Variants in TJP1 observed in about 807,000 individuals in gnomAD.
TJP1 encodes the protein tight junction protein 1, also known as tight junction protein ZO-1.
TJP1 carries 43 observed loss-of-function variants against 194.2 expected under a neutral mutation model. The observed-to-expected ratio is 0.22, with a 90% CI of 0.17 to 0.29. The LOEUF is 0.29. Ranked by LOEUF, TJP1 falls within the 10% of genes least tolerant of loss-of-function variation. TJP1 has a pLI of 1.00. For synonymous variants in TJP1, 801 were observed against 779.0 expected, an observed-to-expected ratio of 1.03 and a Z score of -0.47; for missense variants, 1,971 against 2,185.7, an observed-to-expected ratio of 0.90 and a Z score of 1.96.
At chr15:29,910,963 A>G (rs1420707552) in intron 2 of TJP1, among the ~76,000 whole-genome samples, 1 of 152,234 alleles carries the variant, frequency 6.6e-6, no homozygotes, top group African/African-American at 2.4e-5. Context: ...TGCCCCTCTA[A>G]CACTCACTAG....
chr15:29,906,361 T>C (rs1377551018), intron 2 of TJP1, among the ~76,000 whole-genome samples: 1 of 151,506 alleles, frequency 6.6e-6, no homozygotes, highest in Non-Finnish European at 1.5e-5. Flanking sequence ...TAATCCCAGC[T>C]ACTCAGGAGG....
intron 2 of TJP1, among the ~76,000 whole-genome samples, chr15:29,909,494 AAAG>A (rs1022464156): frequency 1.3e-5 from 2 of 152,102 alleles, no homozygotes; most frequent in African/African-American, 4.8e-5. Context: ...AAGTTGGCTC[AAAG>A]AAGGAGTTGA....
intron 2 of TJP1, among the ~76,000 whole-genome samples, chr15:29,882,668 C>G (rs148305987): frequency 6.6e-6 from 1 of 152,190 alleles, no homozygotes; most frequent in African/African-American, 2.4e-5. Flanking sequence ...CTCCATGTGT[C>G]GGACCGAAAG....
chr15:29,817,908 T>G (rs997480284), intron 1 of TJP1, among the ~76,000 whole-genome samples: 4 of 151,876 alleles, frequency 2.6e-5, no homozygotes, highest in Non-Finnish European at 5.9e-5. Context: ...ATGTGGGGCT[T>G]AAAACTTAGA....
At chr15:29,797,821 G>T (rs534448936) in intron 2 of TJP1, among the ~76,000 whole-genome samples, 1 of 152,140 alleles carries the variant, frequency 6.6e-6, no homozygotes, top group Non-Finnish European at 1.5e-5. Context: ...GTATTTTGCC[G>T]CAATTTTATA....
chr15:29,928,144 G>A (rs921579954), intron 2 of TJP1, among the ~76,000 whole-genome samples: 13 of 151,208 alleles, frequency 8.6e-5, no homozygotes, highest in Admixed American at 5.3e-4. Context: ...GACACCACAA[G>A]CAACAGAAAC....
At chr15:29,701,772 A>G in intron 27 of TJP1, 83 bp from the exon 28 acceptor site, 1 of 920,052 alleles carries the variant, frequency 1.1e-6, no homozygotes, top group Non-Finnish European at 1.7e-6. Flanking sequence ...GCAAATACGT[A>G]TATTTAGACA....
chr15:29,798,539 A>G (rs1489686867), intron 2 of TJP1, among the ~76,000 whole-genome samples: 32 of 152,146 alleles, frequency 2.1e-4, no homozygotes, highest in Admixed American at 2.1e-3. Flanking sequence ...ACCCATATCA[A>G]GTGCTGATGA....
intron 1 of TJP1, among the ~76,000 whole-genome samples, chr15:29,808,871 A>G (rs186361882): frequency 6.6e-6 from 1 of 152,246 alleles, no homozygotes; most frequent in East Asian, 1.9e-4. Flanking sequence ...AAAACAACAG[A>G]AAAAACCCTG....
At chr15:29,864,415 A>G (rs1057257048) in intron 2 of TJP1, among the ~76,000 whole-genome samples, 1 of 152,040 alleles carries the variant, frequency 6.6e-6, no homozygotes, top group African/African-American at 2.4e-5. Context: ...TCAGAGTGTA[A>G]GTTCCTAGAG....
At chr15:29,754,755 CAA>C (rs1326312080) in intron 8 of TJP1, among the ~76,000 whole-genome samples, 1 of 152,152 alleles carries the variant, frequency 6.6e-6, no homozygotes, top group African/African-American at 2.4e-5. Flanking sequence ...TCTGAAAATG[CAA>C]AGTCTGAAAT....
chr15:29,706,672 G>GT (rs2041920306), intron 25 of TJP1, among the ~76,000 whole-genome samples: 1 of 152,068 alleles, frequency 6.6e-6, no homozygotes, highest in Non-Finnish European at 1.5e-5. Flanking sequence ...CCTTCCTGTT[G>GT]TTTTTTGAAA....
chr15:29,771,970 T>C, intron 4 of TJP1, 94 bp downstream of exon 4: 4 of 779,658 alleles, frequency 5.1e-6, no homozygotes, highest in Non-Finnish European at 8.0e-6. Context: ...TTGTTTCAGT[T>C]TTCCTTAAAT....
At chr15:29,853,921 G>A (rs376606922) in intron 2 of TJP1, among the ~76,000 whole-genome samples, 3 of 152,174 alleles carry the variant, frequency 2.0e-5, no homozygotes, top group South Asian at 4.2e-4. Flanking sequence ...ACATATCCAG[G>A]AGCAACGACG....
At chr15:29,894,724 C>A (rs1017755459) in intron 2 of TJP1, among the ~76,000 whole-genome samples, 32 of 152,220 alleles carry the variant, frequency 2.1e-4, no homozygotes, top group Non-Finnish European at 8.8e-5. Context: ...GCAGCCTCTG[C>A]TTGGCTCACT....
intron 2 of TJP1, among the ~76,000 whole-genome samples, chr15:29,775,749 A>G (rs1016532945): frequency 2.0e-5 from 3 of 152,232 alleles, no homozygotes; most frequent in Admixed American, 6.5e-5. Flanking sequence ...ATTAGAAAAC[A>G]TAAGACACTA....
At chr15:29,771,226 G>T (rs1053003278) in intron 4 of TJP1, among the ~76,000 whole-genome samples, 1 of 152,030 alleles carries the variant, frequency 6.6e-6, no homozygotes, top group Admixed American at 6.5e-5. Context: ...ATCACAGAAC[G>T]TTATCTTCCC....
intron 2 of TJP1, among the ~76,000 whole-genome samples, chr15:29,786,989 G>A (rs1256231559): frequency 1.3e-5 from 2 of 152,098 alleles, no homozygotes; most frequent in African/African-American, 2.4e-5. Flanking sequence ...AACTTATAAT[G>A]TACTAAGTAC....
At chr15:29,769,471 A>G (rs2046518927) in intron 4 of TJP1, among the ~76,000 whole-genome samples, 1 of 152,234 alleles carries the variant, frequency 6.6e-6, no homozygotes, top group Non-Finnish European at 1.5e-5. Context: ...ACAAGTAGGT[A>G]GTAATATGAT....
Sources: gnomAD v4.1 joint callset for allele counts (sites outside exome capture counted in the v4.1 genomes callset) on GRCh38, gnomAD v4.1.1 for gene constraint, MANE v1.5 for transcripts, NCBI Gene and HGNC (gene_info 2026-07-23, HGNC 2026-07-21) for gene names.